The following PAX8 variants were observed in gnomAD, a reference collection of about 807,000 sequenced individuals.
PAX8 encodes the protein paired box protein Pax-8.
In PAX8, 15 loss-of-function variants were observed where a neutral mutation model predicts 52.4. The observed-to-expected ratio is 0.29, with a 90% CI of 0.19 to 0.44. PAX8 has a LOEUF of 0.44. PAX8 is among the 20% of genes least tolerant of loss of function. The pLI, the probability that PAX8 is intolerant of heterozygous loss-of-function variation, is 1.00. For missense variants in PAX8, 554 were observed against 602.5 expected, an observed-to-expected ratio of 0.92 and a Z score of 0.84; for synonymous variants, 284 against 249.7, an observed-to-expected ratio of 1.14 and a Z score of -1.29.
chr2:113,250,038 T>C (rs1178698815), intron 2 of PAX8, among the ~76,000 whole-genome samples: 1 of 151,548 alleles, frequency 6.6e-6, no homozygotes, highest in African/African-American at 2.4e-5. Flanking sequence ...GAGGCCGAGG[T>C]GGGTGGATCA....
At chr2:113,269,051 G>A (rs973962263) in intron 2 of PAX8, 18 of 152,296 alleles carry the variant, frequency 1.2e-4, no homozygotes, top group Admixed American at 3.9e-4. Context: ...CCCAAGGCTC[G>A]AAGGACCCAG....
At chr2:113,229,748 C>A (rs1247861173) in intron 9 of PAX8, among the ~76,000 whole-genome samples, 2 of 152,206 alleles carry the variant, frequency 1.3e-5, no homozygotes, top group East Asian at 3.8e-4. Flanking sequence ...ACACAATCGA[C>A]CCTCAAACTC....
chr2:113,220,341 A>T, intron 10 of PAX8, 163 bp from the exon 11 acceptor site: 2 of 634,002 alleles, frequency 3.2e-6, no homozygotes, highest in Non-Finnish European at 5.7e-6. Context: ...TCCCTCTGTC[A>T]TCCCTTTTGG....
Position 113,263,626 on chromosome 2 carries a change from G to A in PAX8, c.25+14744C>T, listed in dbSNP as rs1439777371. 3.3e-5 allele frequency among the ~76,000 whole-genome samples: 5 copies of A among 152,174 alleles called. No individual in the cohort carries two copies. In the East Asian group the frequency reaches 9.6e-4, roughly 29 times the overall value. On this transcript the variant is annotated intron_variant, in intron 2 of 11. Coordinates refer to ENST00000429538, the MANE Select transcript of PAX8 (RefSeq NM_003466.4). ...ATGGCATGTGCACAGCCAGTTAGGG[G>A]CAGACCTGAGACTGCATTCAAATCT...
intron 10 of PAX8, chr2:113,226,466 A>G (rs1689575886): frequency 1.5e-5 from 15 of 988,334 alleles, no homozygotes; most frequent in Non-Finnish European, 1.6e-5. Context: ...GTCATCTTGA[A>G]TCATCATTGG....
intron 10 of PAX8, among the ~76,000 whole-genome samples, chr2:113,224,547 CAA>C (rs1250640219): frequency 7.6e-5 from 4 of 52,302 alleles, no homozygotes; most frequent in Middle Eastern, 9.6e-3. Flanking sequence ...ACTCCGTCTC[CAA>C]AAAAAAAAAA....
rs1035467884 is a variant in PAX8 at position 113,258,551 on chromosome 2, C to T, written c.26-11632G>A. Among the ~76,000 whole-genome samples, 6 of 152,338 alleles carry T rather than the reference C, an allele frequency of 3.9e-5. No homozygotes were observed. In the East Asian group the frequency reaches 5.8e-4, roughly 15 times the overall value. ...CTCTTTTGGCCATCCCCCTTCCCTG[C>T]ATAATCTTTATTGCTTGCATGACTG... On this transcript the variant is annotated intron_variant, in intron 2 of 11. Transcript: ENST00000429538.
intron 2 of PAX8, chr2:113,271,981 G>C (rs1273132974): frequency 6.6e-6 from 1 of 152,200 alleles, no homozygotes; most frequent in East Asian, 1.9e-4. Flanking sequence ...GGTATGCTCA[G>C]CTCTTGTGCA....
chr2:113,246,729 G>T, intron 3 of PAX8, 25 bp downstream of exon 3: 5 of 1,608,320 alleles, frequency 3.1e-6, no homozygotes, highest in Non-Finnish European at 4.3e-6. Context: ...CGGGGAAGGC[G>T]GCCTGCGGTG....
At chr2:113,252,177 G>A (rs1411282261) in intron 2 of PAX8, among the ~76,000 whole-genome samples, 1 of 152,226 alleles carries the variant, frequency 6.6e-6, no homozygotes, top group African/African-American at 2.4e-5. Flanking sequence ...TAGTCCCATA[G>A]AGTGTCAAGG....
At position 113,242,711 on chromosome 2, in the gene PAX8, G is replaced by T; in HGVS notation, c.457C>A (p.Leu153Met). ...TCACTCAGCGTGTGTCCGGGACTCA[G>T]GGACTTGGTGGCCACGCAGCTGTCC... ...PMDSCVATKS[L>M]SPGHTLIPSS... The change falls in exon 5 of 12, where the codon CTG (leucine) becomes ATG (methionine). Residue 153 changes from leucine to methionine, a missense_variant. Coordinates refer to ENST00000429538, the MANE Select transcript of PAX8 (RefSeq NM_003466.4). 6.2e-7 allele frequency: 1 copy of T among 1,613,646 alleles called. No individual in the cohort carries two copies. Among genetic ancestry groups the T allele is most frequent in the Non-Finnish European group, 8.5e-7 (1 of 1,179,592 alleles).
intron 7 of PAX8, chr2:113,241,074 A>C: frequency 4.1e-6 from 1 of 244,496 alleles, no homozygotes; most frequent in Non-Finnish European, 8.1e-6. Flanking sequence ...TTCTGTGTGG[A>C]GGGCACACAG....
At chr2:113,234,571 A>G (rs947346578) in intron 9 of PAX8, among the ~76,000 whole-genome samples, 3 of 152,190 alleles carry the variant, frequency 2.0e-5, no homozygotes, top group African/African-American at 7.2e-5. Flanking sequence ...CCCAGGCTGG[A>G]GTGCCATGGC....
At chr2:113,259,460 C>T (rs980933972) in intron 2 of PAX8, 1 of 152,946 alleles carries the variant, frequency 6.5e-6, no homozygotes, top group Non-Finnish European at 1.5e-5. Flanking sequence ...ACACCTGGCT[C>T]CTTGAGGGGA....
In PAX8 at chr2:113,217,945, A is replaced by G; in HGVS notation, c.*588T>C. ...TCGCTCCAGCCCTCAGCCCATGCCC[A>G]AGAGGGAGGTGTAGAAAGAGCCAAG... is the stretch of plus-strand genomic sequence containing the variant. On this transcript the variant is annotated 3_prime_UTR_variant, in exon 12 of 12. Coordinates refer to ENST00000429538, the MANE Select transcript of PAX8 (RefSeq NM_003466.4). The G allele has an allele frequency of 4.3e-6, 1 of 233,314 alleles. No individual in the cohort carries two copies. The allele number at this position is 233,314 out of a possible 1,614,324, so 14.5% of individuals were successfully genotyped here.
rs181693022 is a variant in PAX8 at position 113,225,814 on chromosome 2, A to G, written c.1189+1341T>C. The G allele has an allele frequency of 6.3e-4, 392 of 625,972 alleles. 3 individuals are homozygous for G. In the African/African-American group the frequency reaches 6.9e-3, roughly 11 times the overall value. 38.8% of individuals were successfully genotyped at this position (625,972 alleles called of 1,614,324 possible). A position where few individuals can be genotyped will look rare whatever the true frequency, so the allele number is the denominator to read the frequency against. On this transcript the variant is annotated intron_variant, in intron 10 of 11. Coordinates refer to ENST00000429538, the MANE Select transcript of PAX8 (RefSeq NM_003466.4). ...CGGCAGGGGAAGGTGGAGGGGTTGG[A>G]AGGGGAATGGGGGGAACCGACTGGA...
At position 113,235,549 on chromosome 2, in the gene PAX8, G is replaced by T. The variant is rs774105314; in HGVS notation, c.932C>A (p.Thr311Asn). The T allele has an allele frequency of 3.7e-5, 60 of 1,613,572 alleles. No homozygotes were observed. Among genetic ancestry groups the T allele is most frequent in the Non-Finnish European group, 4.4e-5 (52 of 1,179,702 alleles). ...PHSPFAIKQE[T>N]PEVSSSSSTP... ...GGAGCTAGAACTGGACACCTCGGGG[G>T]TTTCCTGCTTTATGGCGAAGGGTGA... Residue 311 changes from threonine to asparagine, a missense_variant, in exon 9 of 12, where the codon ACC becomes AAC. Physicochemically the swap from Thr to Asn is moderately conservative, Grantham distance 65. Around this residue, in one of 2 missense-constraint regions of PAX8, gnomAD observed 445 missense variants for 409.9 expected, o/e 1.09. Transcript: ENST00000429538.
chr2:113,262,224 C>G (rs552792825), intron 2 of PAX8, among the ~76,000 whole-genome samples: 1 of 152,240 alleles, frequency 6.6e-6, no homozygotes, highest in East Asian at 1.9e-4. Flanking sequence ...CTATGATGCT[C>G]AGGCTGGTCT....
chr2:113,232,940 C>T (rs1261720854), intron 9 of PAX8, among the ~76,000 whole-genome samples: 11 of 152,036 alleles, frequency 7.2e-5, no homozygotes, highest in Admixed American at 5.9e-4. Flanking sequence ...CCATGACCGC[C>T]GCCAGCTCTA....
Sources: allele counts gnomAD v4.1 joint callset (sites outside exome capture counted in the v4.1 genomes callset), GRCh38; gene constraint gnomAD v4.1.1; regional missense constraint gnomAD v4.1.1; transcripts MANE v1.5; gene names NCBI Gene and HGNC (gene_info 2026-07-23, HGNC 2026-07-21).